PRKCB: variants seen among roughly 807,000 people sequenced by gnomAD.
The protein encoded by PRKCB is protein kinase C beta.
PRKCB carries 13 observed loss-of-function variants against 81.5 expected under a neutral mutation model. That is an observed-to-expected ratio of 0.16 (90% confidence interval 0.10 to 0.25). PRKCB has a LOEUF of 0.25. Ranked by LOEUF, PRKCB falls within the 10% of genes least tolerant of loss-of-function variation. PRKCB has a pLI of 1.00. For synonymous variants in PRKCB, 335 were observed against 321.4 expected (o/e 1.04, Z -0.45); for missense variants, 509 against 875.7 (o/e 0.58, Z 5.29).
At chr16:24,076,533 C>T (rs1966179382) in intron 5 of PRKCB, among the ~76,000 whole-genome samples, 1 of 152,142 alleles carries the variant, frequency 6.6e-6, no homozygotes, top group Non-Finnish European at 1.5e-5. Context: ...TCACTAATAC[C>T]TTGACAACTT....
chr16:24,189,581 G>A (rs1437576309), intron 15 of PRKCB, among the ~76,000 whole-genome samples: 1 of 149,212 alleles, frequency 6.7e-6, no homozygotes, highest in East Asian at 2.0e-4. Context: ...GGTGGAGCTT[G>A]CAGTGACCCG....
Position 23,889,294 on chromosome 16 carries a change from C to T in PRKCB, c.205+51888C>T, listed in dbSNP as rs149475625. On this transcript the variant is annotated intron_variant, in intron 2 of 16. Transcript: ENST00000643927. The stretch of plus-strand genomic sequence containing the variant: ...TGATCTTGGTTCAGTTTTAAAACCT[C>T]TCCTTGTCTCAGTCTCCTCAGCTAT... 3.5e-3 allele frequency among the ~76,000 whole-genome samples: 539 copies of T among 152,312 alleles called. 4 individuals are homozygous for T. Among genetic ancestry groups the T allele is most frequent in the African/African-American group, 0.012 (512 of 41,556 alleles).
At chr16:23,902,735 T>TCCCCCCCCCCC (rs1223128232) in intron 2 of PRKCB, among the ~76,000 whole-genome samples, 2 of 16,660 alleles carry the variant, frequency 1.2e-4, no homozygotes, top group African/African-American at 3.1e-4. Context: ...CCTTCCTCCC[T>TCCCCCCCCCCC]TCCTTCCTTC....
intron 5 of PRKCB, among the ~76,000 whole-genome samples, chr16:24,071,381 AT>A (rs2141884892): frequency 7.3e-6 from 1 of 137,498 alleles, no homozygotes; most frequent in African/African-American, 2.7e-5. Flanking sequence ...AGGCGGGTGG[AT>A]CGCTTGAGCT....
chr16:23,962,420 G>A (rs1964438288), intron 2 of PRKCB, among the ~76,000 whole-genome samples: 1 of 152,058 alleles, frequency 6.6e-6, no homozygotes, highest in South Asian at 2.1e-4. Flanking sequence ...CTTTTCCTTG[G>A]TTTGTAACCC....
intron 2 of PRKCB, among the ~76,000 whole-genome samples, chr16:23,973,042 T>C (rs966914402): frequency 7.9e-5 from 12 of 152,224 alleles, no homozygotes; most frequent in Admixed American, 3.3e-4. Context: ...GTACTCTTAA[T>C]TCTCATTTCA....
intron 2 of PRKCB, among the ~76,000 whole-genome samples, chr16:23,867,149 C>T (rs12935004): frequency 0.97 from 146,060 of 151,152 alleles, 70,603 homozygotes; most frequent in East Asian, 1. Flanking sequence ...TCTTACTTTC[C>T]GAGTCTCACT....
chr16:23,937,744 T>G (rs1448354378), intron 2 of PRKCB, among the ~76,000 whole-genome samples: 2 of 152,190 alleles, frequency 1.3e-5, no homozygotes, highest in Non-Finnish European at 2.9e-5. Flanking sequence ...GTCACTCTCT[T>G]CTGCTCAAAA....
chr16:24,041,053 AT>A (rs142356879), intron 5 of PRKCB, among the ~76,000 whole-genome samples: 4 of 137,032 alleles, frequency 2.9e-5, no homozygotes, highest in East Asian at 2.2e-4. Flanking sequence ...TGCAACAATA[AT>A]TTTTTTTGTG....
chr16:23,951,579 CTTTTT>C (rs11354474), intron 2 of PRKCB, among the ~76,000 whole-genome samples: 1 of 97,574 alleles, frequency 1.0e-5, no homozygotes. Flanking sequence ...CTATGCCAGG[CTTTTT>C]TTTTTTTTTT....
intron 2 of PRKCB, among the ~76,000 whole-genome samples, chr16:23,973,979 T>C (rs1964592295): frequency 1.3e-5 from 2 of 152,218 alleles, no homozygotes; most frequent in African/African-American, 2.4e-5. Context: ...CTGGAAATGA[T>C]ATTTAATCTG....
intron 3 of PRKCB, among the ~76,000 whole-genome samples, chr16:24,015,317 C>T (rs903450148): frequency 1.6e-4 from 24 of 152,194 alleles, no homozygotes; most frequent in African/African-American, 5.8e-4. Flanking sequence ...GTAGCTTGCT[C>T]GAGGCTGCAC....
At chr16:24,067,856 A>G (rs1274245810) in intron 5 of PRKCB, among the ~76,000 whole-genome samples, 2 of 151,700 alleles carry the variant, frequency 1.3e-5, no homozygotes, top group African/African-American at 4.8e-5. Context: ...AATCCCAGCT[A>G]CTGGGGAGGC....
intron 2 of PRKCB, among the ~76,000 whole-genome samples, chr16:23,946,382 T>C (rs574112745): frequency 2.0e-5 from 3 of 152,308 alleles, no homozygotes; most frequent in East Asian, 1.9e-4. Context: ...GCTGGTATGA[T>C]GGATGACAGA....
intron 8 of PRKCB, among the ~76,000 whole-genome samples, chr16:24,119,634 T>A (rs1387320979): frequency 6.6e-6 from 1 of 151,978 alleles, no homozygotes; most frequent in Non-Finnish European, 1.5e-5. Flanking sequence ...AGTGTTTGGG[T>A]CAGGCCAGCT....
At chr16:24,168,425 G>A (rs1382286526) in intron 10 of PRKCB, among the ~76,000 whole-genome samples, 8 of 151,836 alleles carry the variant, frequency 5.3e-5, no homozygotes, top group African/African-American at 1.9e-4. Flanking sequence ...CTCAGCCATA[G>A]CAACATATAA....
At chr16:24,015,193 T>G (rs1007562783) in intron 3 of PRKCB, among the ~76,000 whole-genome samples, 2 of 151,718 alleles carry the variant, frequency 1.3e-5, no homozygotes, top group African/African-American at 4.8e-5. Flanking sequence ...GAGTTGGGAG[T>G]CAATCTCAGA....
chr16:23,850,661 G>A (rs1962457965), intron 2 of PRKCB, among the ~76,000 whole-genome samples: 1 of 152,138 alleles, frequency 6.6e-6, no homozygotes, highest in South Asian at 2.1e-4. Context: ...CACCATGCTC[G>A]GTGGTAGTTC....
At chr16:23,913,240 C>T (rs577076994) in intron 2 of PRKCB, among the ~76,000 whole-genome samples, 21 of 152,008 alleles carry the variant, frequency 1.4e-4, no homozygotes, top group Non-Finnish European at 2.6e-4. Flanking sequence ...AAGGAGAAGC[C>T]GAGAGAACAC....
Sources: allele counts gnomAD v4.1 joint callset (sites outside exome capture counted in the v4.1 genomes callset), GRCh38; gene constraint gnomAD v4.1.1; transcripts MANE v1.5; gene names NCBI Gene and HGNC (gene_info 2026-07-23, HGNC 2026-07-21).